SGSM2: variants seen among roughly 807,000 people sequenced by gnomAD.
The protein encoded by SGSM2 is RUN and TBC1 domain containing 1.
Under a neutral mutation model 126.6 loss-of-function variants are expected in SGSM2, and 89 were observed. The ratio of observed to expected loss-of-function variants is 0.70; its 90% CI spans 0.59 to 0.84. The LOEUF (loss-of-function observed/expected upper bound fraction) is 0.84, where lower values mean the gene tolerates loss of function less well. Among genes scored for constraint, SGSM2 ranks in the 40% least tolerant of loss-of-function variants. SGSM2 has a pLI of 0.00. For synonymous variants in SGSM2, 614 were observed against 574.3 expected (o/e 1.07, Z -0.99); for missense variants, 1,404 against 1,416.6 (o/e 0.99, Z 0.14).
Position 2,376,235 on chromosome 17 carries a change from C to CGAGAGGCTCA in SGSM2, c.2588_2597dup (p.Asp866GlufsTer36). 1 of 1,613,890 alleles carries CGAGAGGCTCA rather than the reference C, an allele frequency of 6.2e-7. No individual in the cohort carries two copies. The highest frequency in any genetic ancestry group is 8.5e-7 in the Non-Finnish European group (1 of 1,180,004). ...ACTGGTACTTCACGCCCCCCAACCT[C>CGAGAGGCTCA]GAGAGGCTCAGAGACGTCATGTGCA... is the stretch of plus-strand genomic sequence containing the variant. On this transcript the variant is annotated frameshift_variant, in exon 19 of 24. Transcript: ENST00000268989. LOFTEE classifies it high-confidence loss of function.
chr17:2,365,578 GCAGACCTAGGC>G (rs2065530102), intron 11 of SGSM2, among the ~76,000 whole-genome samples: 1 of 152,138 alleles, frequency 6.6e-6, no homozygotes, highest in East Asian at 1.9e-4. Flanking sequence ...TCTTGGCTCA[GCAGACCTAGGC>G]GTCACTACAC....
At chr17:2,376,633 G>T in intron 19 of SGSM2, 100 bp from the exon 20 acceptor site, 1 of 1,307,640 alleles carries the variant, frequency 7.6e-7, no homozygotes, top group South Asian at 1.2e-5. Flanking sequence ...TGGAAAGGCT[G>T]ACTTCTGGGC....
At position 2,373,342 on chromosome 17, in the gene SGSM2, G is replaced by A. The variant is rs1273337285; in HGVS notation, c.1929G>A (p.Val643=). 1 of 1,612,452 alleles carries A rather than the reference G, an allele frequency of 6.2e-7. No homozygotes were observed. Reference sequence around the variant, plus strand: ...TGGTCTGAGTACAGGTGGACGCAGTGGTGGCAGCAAGGTACCAGCAGGTGT... The same window carrying A: ...TGGTCTGAGTACAGGTGGACGCAGTAGTGGCAGCAAGGTACCAGCAGGTGT... ...SKKEMEQVDA[V]VAARYQQVLA... is the part of the protein sequence containing the mutation. Residue 643 remains valine, a synonymous_variant, in exon 17 of 24, where the codon GTG becomes GTA. Coordinates refer to ENST00000268989, the MANE Select transcript of SGSM2 (RefSeq NM_014853.3).
intron 8 of SGSM2, 137 bp downstream of exon 8, chr17:2,364,320 G>C: frequency 1.7e-6 from 2 of 1,160,494 alleles, no homozygotes; most frequent in South Asian, 2.9e-5. Flanking sequence ...GCAGGGAGCG[G>C]CTGCCTGGAG....
At chr17:2,347,780 T>A (rs1023729743) in intron 2 of SGSM2, among the ~76,000 whole-genome samples, 1 of 151,990 alleles carries the variant, frequency 6.6e-6, no homozygotes, top group Non-Finnish European at 1.5e-5. Flanking sequence ...AGGTCCATAG[T>A]GTTTTATTTA....
chr17:2,353,801 T>C (rs1188979722), intron 2 of SGSM2, among the ~76,000 whole-genome samples: 1 of 151,834 alleles, frequency 6.6e-6, no homozygotes, highest in Non-Finnish European at 1.5e-5. Flanking sequence ...GTCTCACTCC[T>C]TTCTCTGCTC....
chr17:2,378,912 G>A (rs2066296921), intron 22 of SGSM2, 124 bp from the exon 23 acceptor site: 2 of 1,176,104 alleles, frequency 1.7e-6, no homozygotes, highest in Non-Finnish European at 2.4e-6. Flanking sequence ...GCCAGCATCA[G>A]CCCCAGCCCC....
rs555943899 is a variant in SGSM2, at chr17:2,371,465, G to T, written c.1577+50G>T. On this transcript the variant is annotated intron_variant, in intron 13 of 23. Coordinates refer to ENST00000268989, the MANE Select transcript of SGSM2 (RefSeq NM_014853.3). Reference sequence around the variant, plus strand: ...GCTTCCCGTTAGCGTGTCCAGCCACGTGTGTGTCCGTCTGTCCTTAAAGGC... The same window carrying T: ...GCTTCCCGTTAGCGTGTCCAGCCACTTGTGTGTCCGTCTGTCCTTAAAGGC... The T allele has an allele frequency of 1.5e-4, 227 of 1,540,310 alleles. 4 individuals carry two copies. In the South Asian group the frequency reaches 2.7e-3, roughly 18 times the overall value.
In SGSM2 at chr17:2,343,601, C is replaced by T. The variant is rs2064468829; in HGVS notation, c.114C>T (p.Ser38=). Residue 38 remains serine, a synonymous_variant, in exon 2 of 24, where the codon AGC becomes AGT. Coordinates refer to ENST00000268989, the MANE Select transcript of SGSM2 (RefSeq NM_014853.3). ...VTRKFVHEDS[S]HIIALCGAVE... is the part of the protein sequence containing the mutation. Reference sequence around the variant, plus strand: ...GGAAGTTTGTGCATGAAGACAGCAGCCACATCATTGCTTTATGTGGTGAGT... The same window carrying T: ...GGAAGTTTGTGCATGAAGACAGCAGTCACATCATTGCTTTATGTGGTGAGT... 1.2e-6 allele frequency: 2 copies of T among 1,614,108 alleles called. No homozygotes were observed. The highest frequency in any genetic ancestry group is 1.7e-6 in the Non-Finnish European group (2 of 1,179,984).
intron 2 of SGSM2, among the ~76,000 whole-genome samples, chr17:2,348,912 C>T (rs762732980): frequency 1.3e-5 from 2 of 152,030 alleles, no homozygotes; most frequent in Non-Finnish European, 2.9e-5. Flanking sequence ...CAGGTCTACG[C>T]GCCACCACAC....
chr17:2,363,237 C>T lies in SGSM2; in HGVS notation c.672+103C>T. On this transcript the variant is annotated intron_variant, in intron 6 of 23. Coordinates refer to ENST00000268989, the MANE Select transcript of SGSM2 (RefSeq NM_014853.3). The surrounding 1 kb of genome is among the most constrained non-coding windows in gnomAD (Gnocchi z 4.2). ...TACGGGACAGGCCTTGGAGATGCCCCAAGGTAGCGGCTGCCTCAGAAGAGC... is the reference window on the plus strand; with the variant it reads ...TACGGGACAGGCCTTGGAGATGCCCTAAGGTAGCGGCTGCCTCAGAAGAGC... The T allele has an allele frequency of 1.4e-6, 2 of 1,413,902 alleles. No individual in the cohort carries two copies. The highest frequency in any genetic ancestry group is 1.9e-6 in the Non-Finnish European group (2 of 1,064,568). The allele number at this position is 1,413,902 out of a possible 1,614,324, so 87.6% of individuals were successfully genotyped here.
intron 2 of SGSM2, 105 bp downstream of exon 2, chr17:2,343,725 G>T: frequency 2.1e-6 from 2 of 954,722 alleles, no homozygotes; most frequent in Non-Finnish European, 3.3e-6. Context: ...CTCAAATCTG[G>T]CTGCAAGTCC....
chr17:2,373,684 C>T, intron 17 of SGSM2, 171 bp downstream of exon 17: 1 of 610,572 alleles, frequency 1.6e-6, no homozygotes, highest in Non-Finnish European at 2.9e-6. Flanking sequence ...TGTGCCTCTG[C>T]TGCCTACTTC....
In SGSM2 at chr17:2,340,765, T is replaced by C. The variant is rs534586207; in HGVS notation, c.58-2780T>C. 6.6e-5 allele frequency among the ~76,000 whole-genome samples: 10 copies of C among 151,998 alleles called. No individual in the cohort carries two copies. In the East Asian group the frequency reaches 9.7e-4, roughly 15 times the overall value. ...ACGCCCGGCTAATTTTTTGTATTTT[T>C]AGTAGAGACGGGGTTTCACCATGTT... On this transcript the variant is annotated intron_variant, in intron 1 of 23. Coordinates refer to ENST00000268989, the MANE Select transcript of SGSM2 (RefSeq NM_014853.3).
chr17:2,354,698 A>AT (rs1472055666), intron 2 of SGSM2, among the ~76,000 whole-genome samples: 2 of 152,222 alleles, frequency 1.3e-5, no homozygotes. Flanking sequence ...TTGCGTCTAT[A>AT]CGGGTTGCAG....
At chr17:2,377,584 G>T in intron 21 of SGSM2, 1 of 306,330 alleles carries the variant, frequency 3.3e-6, no homozygotes, top group East Asian at 6.5e-5. Context: ...GAACAGTAGG[G>T]GTTGCTGATG....
intron 12 of SGSM2, among the ~76,000 whole-genome samples, chr17:2,369,057 G>A (rs1170537189): frequency 2.0e-5 from 3 of 152,216 alleles, no homozygotes; most frequent in African/African-American, 4.8e-5. Context: ...TCAGGGGCTA[G>A]GCCAACCTAG....
In SGSM2 at chr17:2,376,297, G is replaced by A. The variant is rs780466512; in HGVS notation, c.2609+36G>A. 3.8e-6 allele frequency: 6 copies of A among 1,583,698 alleles called. No individual in the cohort carries two copies. In the African/African-American group the frequency reaches 5.5e-5, roughly 15 times the overall value. Reference sequence around the variant, plus strand: ...GGGCGGGGCTCAGGGTGGGAGGCGGGACCCTGCCGCCAGTTACTCTGTGAA... The same window carrying A: ...GGGCGGGGCTCAGGGTGGGAGGCGGAACCCTGCCGCCAGTTACTCTGTGAA... On this transcript the variant is annotated intron_variant, in intron 19 of 23. Transcript: ENST00000268989.
intron 23 of SGSM2, 95 bp downstream of exon 23, chr17:2,379,298 T>TG: frequency 1.3e-6 from 2 of 1,567,794 alleles, no homozygotes; most frequent in Non-Finnish European, 1.7e-6. Context: ...TCAGGAATCC[T>TG]GGGGGCCCTT....
Sources: allele counts gnomAD v4.1 joint callset (sites outside exome capture counted in the v4.1 genomes callset), GRCh38; gene constraint gnomAD v4.1.1; non-coding constraint Gnocchi (gnomAD v3.1); transcripts MANE v1.5; gene names NCBI Gene and HGNC (gene_info 2026-07-23, HGNC 2026-07-21).